Variants in GRIP2 observed in about 807,000 individuals in gnomAD.
GRIP2 encodes the protein glutamate receptor interacting protein 2.
Under a neutral mutation model 108.3 loss-of-function variants are expected in GRIP2, and 58 were observed. That is an observed-to-expected ratio of 0.54 (90% CI 0.43 to 0.67). GRIP2 has a LOEUF of 0.67. GRIP2 is among the 30% of genes least tolerant of loss of function. The probability of loss-of-function intolerance (pLI) is 0.00; values close to 1 mark genes in which losing one functional copy is unlikely to be tolerated. For synonymous variants in GRIP2, 586 were observed against 598.2 expected, an observed-to-expected ratio of 0.98 and a Z score of 0.30; for missense variants, 1,278 against 1,430.6, an observed-to-expected ratio of 0.89 and a Z score of 1.72.
chr3:14,589,315 G>T, the GRIP2 span, among the ~76,000 whole-genome samples: 1 of 152,208 alleles, frequency 6.6e-6, no homozygotes, highest in Non-Finnish European at 1.5e-5. Context: ...TGTCTAAAAA[G>T]GGGGAAAGAT....
intron 1 of GRIP2, among the ~76,000 whole-genome samples, chr3:14,528,896 C>A (rs1347568410): frequency 6.6e-6 from 1 of 152,088 alleles, no homozygotes; most frequent in East Asian, 1.9e-4. Context: ...TTCATATATT[C>A]CGGATACAAA....
chr3:14,503,722 G>T, intron 20 of GRIP2, 51 bp from the exon 21 acceptor site: 1 of 998,292 alleles, frequency 1.0e-6, no homozygotes. Context: ...GGGTGGGCGG[G>T]CTGGGGCCTG....
chr3:14,511,163 A>C lies in GRIP2; in HGVS notation c.1933+2T>G. Reference sequence around the variant, plus strand: ...GGTAGGAGGCCAGCATGAGGGCCATACCAGAGTTGTCCTCGTCCTTCCGGA... The same window carrying C: ...GGTAGGAGGCCAGCATGAGGGCCATCCCAGAGTTGTCCTCGTCCTTCCGGA... On this transcript the variant is annotated splice_donor_variant, in intron 16 of 23. Coordinates refer to ENST00000621039, the MANE Select transcript of GRIP2 (RefSeq NM_001080423.4). LOFTEE classifies it high-confidence loss of function. The surrounding 1 kb of genome is among the most constrained non-coding windows in gnomAD (Gnocchi z 4.1). 1 of 1,613,808 alleles carries C rather than the reference A, an allele frequency of 6.2e-7. No homozygotes were observed. Among genetic ancestry groups the C allele is most frequent in the Non-Finnish European group, 8.5e-7 (1 of 1,179,822 alleles).
intron 1 of GRIP2, among the ~76,000 whole-genome samples, chr3:14,531,744 C>T (rs1274087846): frequency 6.6e-6 from 1 of 152,218 alleles, no homozygotes; most frequent in Admixed American, 6.5e-5. Flanking sequence ...TGGAAGCAGA[C>T]CCCAGGCCTT....
In GRIP2 at chr3:14,512,929, C is replaced by T; in HGVS notation, c.1640-72G>A. On this transcript the variant is annotated intron_variant, in intron 13 of 23. Coordinates refer to ENST00000621039, the MANE Select transcript of GRIP2 (RefSeq NM_001080423.4). The surrounding 1 kb of genome is among the most constrained non-coding windows in gnomAD (Gnocchi z 5.1). ...CCTCAGCGAACCCCAGCCCCATGCC[C>T]ATTCTGGCTGTGCTGGGAGTGACCC... The T allele has an allele frequency of 1.1e-5, 15 of 1,381,850 alleles. No individual in the cohort carries two copies. The South Asian group carries it at 1.6e-4, about 15-fold the overall frequency. 85.6% of individuals were successfully genotyped at this position (1,381,850 alleles called of 1,614,324 possible).
In GRIP2 at chr3:14,511,211, G is replaced by A. The variant is rs199516851; in HGVS notation, c.1887C>T (p.Cys629=). 50 of 1,613,938 alleles carry A rather than the reference G, an allele frequency of 3.1e-5. No individual in the cohort carries two copies. In the African/African-American group the frequency reaches 5.6e-4, roughly 18 times the overall value. The change falls in exon 16 of 24, where the codon TGC becomes TGT. Residue 629 remains cysteine (C), a synonymous_variant. Coordinates refer to ENST00000621039, the MANE Select transcript of GRIP2 (RefSeq NM_001080423.4). The surrounding 1 kb of genome is among the most constrained non-coding windows in gnomAD (Gnocchi z 4.1). ...GGATCTTCAGCTTCACCAGGTCCTC[G>A]CACTGCCGCAGGATTTGCACGGCGT... The part of the protein sequence containing the change: ...MEDAVQILRQ[C]EDLVKLKIRK...
At position 14,524,442 on chromosome 3, in the gene GRIP2, A is replaced by G. The variant is rs371343487; in HGVS notation, c.354T>C (p.Asn118=). Residue 118 remains asparagine, a synonymous_variant, in exon 4 of 24, where the codon AAT becomes AAC. Transcript: ENST00000621039. ...RHDEIITLLK[N]VGERVVLEVE... ...CCTCCAGCACCACGCGCTCGCCCAC[A>G]TTCTTGAGCAGGGTGATGATCTCAT... The G allele has an allele frequency of 6.2e-6, 10 of 1,605,734 alleles. No homozygotes were observed. The highest frequency in any genetic ancestry group is 8.5e-6 in the Non-Finnish European group (10 of 1,176,448).
chr3:14,547,750 A>G (rs1695079599), intron 1 of GRIP2, among the ~76,000 whole-genome samples: 1 of 152,214 alleles, frequency 6.6e-6, no homozygotes, highest in Non-Finnish European at 1.5e-5. Context: ...CCTTCCTAAC[A>G]AAAAGCAAAA....
the GRIP2 span, among the ~76,000 whole-genome samples, chr3:14,565,068 G>A: frequency 6.6e-6 from 1 of 152,210 alleles, no homozygotes; most frequent in African/African-American, 2.4e-5. Flanking sequence ...TGTGCCAGGG[G>A]GTCTGCCCAG....
At chr3:14,497,737 A>G (rs1416175202) in intron 21 of GRIP2, among the ~76,000 whole-genome samples, 1 of 152,032 alleles carries the variant, frequency 6.6e-6, no homozygotes, top group East Asian at 1.9e-4. Flanking sequence ...CTGGGAGGAG[A>G]TCTGTTAGGG....
At position 14,509,856 on chromosome 3, in the gene GRIP2, A is replaced by T; in HGVS notation, c.2042T>A (p.Val681Asp). ...GCCACGCTTGGTGAGGCCTGAGATG[A>T]CAATGGGGTCAAAAGGTTCCTCCGT... ...SGTEEPFDPI[V>D]ISGLTKRGLA... Residue 681 changes from valine (V) to aspartate (D), a missense_variant, in exon 17 of 24, where the codon GTC becomes GAC. By Grantham distance (152) the Val-to-Asp change is radical. Coordinates refer to ENST00000621039, the MANE Select transcript of GRIP2 (RefSeq NM_001080423.4). 1 of 1,539,618 alleles carries T rather than the reference A, an allele frequency of 6.5e-7. No homozygotes were observed. Among genetic ancestry groups the T allele is most frequent in the Non-Finnish European group, 8.8e-7 (1 of 1,140,958 alleles).
At chr3:14,501,789 A>G (rs1693773537) in intron 21 of GRIP2, among the ~76,000 whole-genome samples, 1 of 152,214 alleles carries the variant, frequency 6.6e-6, no homozygotes, top group South Asian at 2.1e-4. Context: ...TGCACCATAC[A>G]CACATATCAC....
intron 22 of GRIP2, among the ~76,000 whole-genome samples, chr3:14,495,283 C>A (rs1693561357): frequency 6.6e-6 from 1 of 152,208 alleles, no homozygotes; most frequent in African/African-American, 2.4e-5. Context: ...GGAGGCCTGG[C>A]CAGGGCACTG....
At chr3:14,593,090 T>C in the GRIP2 span, among the ~76,000 whole-genome samples, 1 of 152,172 alleles carries the variant, frequency 6.6e-6, no homozygotes, top group African/African-American at 2.4e-5. Flanking sequence ...TGGGAACTAA[T>C]GTCATCCCCA....
At chr3:14,530,162 C>A (rs4684232) in intron 1 of GRIP2, among the ~76,000 whole-genome samples, 1 of 152,018 alleles carries the variant, frequency 6.6e-6, no homozygotes, top group Non-Finnish European at 1.5e-5. Context: ...CCCTGATAGA[C>A]GGGTGAATAT....
At chr3:14,564,560 C>A in the GRIP2 span, among the ~76,000 whole-genome samples, 5 of 152,320 alleles carry the variant, frequency 3.3e-5, no homozygotes, top group Non-Finnish European at 7.3e-5. Flanking sequence ...CACAGGCACC[C>A]GGTGGTGTGA....
chr3:14,592,560 T>C, the GRIP2 span, among the ~76,000 whole-genome samples: 1 of 152,166 alleles, frequency 6.6e-6, no homozygotes, highest in Non-Finnish European at 1.5e-5. Flanking sequence ...CGTGGACCCA[T>C]GTTTAGCTGT....
the GRIP2 span, among the ~76,000 whole-genome samples, chr3:14,568,752 G>A: frequency 1.6e-4 from 24 of 152,174 alleles, no homozygotes; most frequent in Non-Finnish European, 3.1e-4. Context: ...AGGTGAGAGC[G>A]AGGGAGGAAG....
At chr3:14,516,730 G>C (rs1226656968) in intron 11 of GRIP2, among the ~76,000 whole-genome samples, 1 of 152,160 alleles carries the variant, frequency 6.6e-6, no homozygotes, top group East Asian at 1.9e-4. Context: ...AATCAGGACT[G>C]AATGGCAAAA....
Sources: allele counts gnomAD v4.1 joint callset (sites outside exome capture counted in the v4.1 genomes callset), GRCh38; gene constraint gnomAD v4.1.1; non-coding constraint Gnocchi (gnomAD v3.1); transcripts MANE v1.5; gene names NCBI Gene and HGNC (gene_info 2026-07-23, HGNC 2026-07-21).